Variants in PEAK1 observed in about 807,000 individuals in gnomAD.
PEAK1 encodes the protein pseudopodium enriched atypical kinase 1.
In PEAK1, 54 loss-of-function variants were observed where a neutral mutation model predicts 124.7. The observed-to-expected ratio is 0.43, with a 90% confidence interval of 0.35 to 0.54. The LOEUF (loss-of-function observed/expected upper bound fraction) is 0.54, where lower values mean the gene tolerates loss of function less well. PEAK1 is among the 20% of genes least tolerant of loss of function. PEAK1 has a pLI of 0.01. For missense variants in PEAK1, 2,046 were observed against 2,134.5 expected, an observed-to-expected ratio of 0.96 and a Z score of 0.82; for synonymous variants, 719 against 760.0, an observed-to-expected ratio of 0.95 and a Z score of 0.89.
chr15:77,230,458 C>G (rs945923804), intron 6 of PEAK1, among the ~76,000 whole-genome samples: 3 of 152,102 alleles, frequency 2.0e-5, no homozygotes, highest in Admixed American at 2.0e-4. Flanking sequence ...CTTGGCCTCT[C>G]AAAGTGCTGG....
At chr15:77,277,385 G>A (rs1331942856) in intron 5 of PEAK1, among the ~76,000 whole-genome samples, 2 of 151,544 alleles carry the variant, frequency 1.3e-5, no homozygotes, top group East Asian at 3.9e-4. Context: ...CTGTATCTTG[G>A]TTGCAGTGTT....
chr15:77,171,457 G>A (rs1363205437), intron 7 of PEAK1, among the ~76,000 whole-genome samples: 4 of 152,028 alleles, frequency 2.6e-5, no homozygotes, highest in Non-Finnish European at 4.4e-5. Context: ...TCACTCATAT[G>A]TGGAAGCTTA....
intron 6 of PEAK1, among the ~76,000 whole-genome samples, chr15:77,194,213 C>T (rs1034632800): frequency 1.3e-5 from 2 of 152,146 alleles, no homozygotes; most frequent in African/African-American, 4.8e-5. Context: ...CCTAATCTGT[C>T]CTCTCCCTTT....
chr15:77,159,125 A>G (rs2055408363), intron 7 of PEAK1, among the ~76,000 whole-genome samples: 1 of 152,168 alleles, frequency 6.6e-6, no homozygotes, highest in Non-Finnish European at 1.5e-5. Context: ...TAATTTATAT[A>G]TAGTATTTAG....
In PEAK1 at chr15:77,369,062, A is replaced by G. The variant is rs79604561; in HGVS notation, c.-665-3837T>C. On this transcript the variant is annotated intron_variant, in intron 1 of 9. Coordinates refer to ENST00000682557, the MANE Select transcript of PEAK1 (RefSeq NM_001385026.1). ...AGTATAAAACTTCATAATTTACAAT[A>G]AAATACAAATAAAATGCACTATTTA... 2.4e-3 allele frequency among the ~76,000 whole-genome samples: 359 copies of G among 152,356 alleles called. 1 individual carries two copies. Among genetic ancestry groups the G allele is most frequent in the African/African-American group, 8.2e-3 (341 of 41,582 alleles).
chr15:77,153,584 C>CA (rs2152775588), intron 8 of PEAK1, among the ~76,000 whole-genome samples: 1 of 152,218 alleles, frequency 6.6e-6, no homozygotes, highest in South Asian at 2.1e-4. Flanking sequence ...GTTAGGGTGT[C>CA]AATTTTAGAT....
intron 6 of PEAK1, among the ~76,000 whole-genome samples, chr15:77,190,006 T>C (rs909393363): frequency 6.6e-6 from 1 of 152,166 alleles, no homozygotes; most frequent in African/African-American, 2.4e-5. Context: ...TTAATGATTC[T>C]AAGAAAAATC....
chr15:77,336,557 T>C, intron 2 of PEAK1: 1 of 985,412 alleles, frequency 1.0e-6, no homozygotes, highest in Non-Finnish European at 1.2e-6. Context: ...CTGTGAATCC[T>C]CATGCACTGC....
At chr15:77,404,209 A>C (rs2071611893) in intron 1 of PEAK1, 8 of 985,318 alleles carry the variant, frequency 8.1e-6, no homozygotes, top group Non-Finnish European at 9.6e-6. Flanking sequence ...GAGACACCAA[A>C]GTGAGTGTTC....
rs1050852283 is a variant in PEAK1, at chr15:77,419,336, G to A, written c.-666+670C>T. The A allele has an allele frequency of 1.4e-5, 14 of 985,234 alleles. No individual in the cohort carries two copies. In the Admixed American group the frequency reaches 3.7e-4, roughly 26 times the overall value. The allele number at this position is 985,234 out of a possible 1,614,324, so 61.0% of individuals were successfully genotyped here. ...GGGGCAGACGCGGTTCAGACGGCAA[G>A]TCCCCATCGAAGGAGGAAAGAAAAG... On this transcript the variant is annotated intron_variant, in intron 1 of 9. Coordinates refer to ENST00000682557, the MANE Select transcript of PEAK1 (RefSeq NM_001385026.1).
At chr15:77,404,336 C>T (rs1334604902) in intron 1 of PEAK1, 1 of 985,210 alleles carries the variant, frequency 1.0e-6, no homozygotes, top group Non-Finnish European at 1.2e-6. Context: ...TAGGACTGTG[C>T]TAATACTAGC....
intron 1 of PEAK1, among the ~76,000 whole-genome samples, chr15:77,398,222 T>C (rs917751887): frequency 1.1e-4 from 17 of 152,236 alleles, no homozygotes; most frequent in South Asian, 4.1e-4. Flanking sequence ...TTCTGAAAGA[T>C]AGAGGAGGAG....
intron 1 of PEAK1, among the ~76,000 whole-genome samples, chr15:77,400,190 C>T (rs1356399933): frequency 6.6e-6 from 1 of 152,040 alleles, no homozygotes; most frequent in Admixed American, 6.6e-5. Flanking sequence ...AAAGGGAACC[C>T]ATGCACATTG....
At chr15:77,377,423 A>G (rs988795431) in intron 1 of PEAK1, among the ~76,000 whole-genome samples, 2 of 151,898 alleles carry the variant, frequency 1.3e-5, no homozygotes, top group Admixed American at 6.6e-5. Context: ...AAACATAGAC[A>G]AGGTATGGGA....
intron 2 of PEAK1, among the ~76,000 whole-genome samples, chr15:77,319,686 A>G (rs1194368715): frequency 6.6e-6 from 1 of 152,212 alleles, no homozygotes; most frequent in Non-Finnish European, 1.5e-5. Context: ...AAATAAAAAT[A>G]TTGAATGTGG....
chr15:77,236,877 T>C lies in PEAK1; in HGVS notation c.-115+15490A>G, dbSNP rs111999343. 9.8e-3 allele frequency among the ~76,000 whole-genome samples: 1,483 copies of C among 152,062 alleles called. 30 individuals carry two copies. The highest frequency in any genetic ancestry group is 0.034 in the African/African-American group (1,419 of 41,478). On this transcript the variant is annotated intron_variant, in intron 6 of 9. Coordinates refer to ENST00000682557, the MANE Select transcript of PEAK1 (RefSeq NM_001385026.1). ...GAGATCTGATGGTTTTATAAGGGGG[T>C]CTTCTCCTTTCACTTGGCACTTTTC...
intron 2 of PEAK1, among the ~76,000 whole-genome samples, chr15:77,307,685 T>A (rs1234647926): frequency 1.3e-5 from 2 of 152,064 alleles, no homozygotes; most frequent in African/African-American, 4.8e-5. Context: ...TTTGTGCTTG[T>A]AAGCTGGATC....
At position 77,112,705 on chromosome 15, in the gene PEAK1, A is replaced by AC. The variant is rs1220071521; in HGVS notation, c.*1450_*1451insG. 7.5e-6 allele frequency: 1 copy of AC among 132,548 alleles called. No homozygotes were observed. The highest frequency in any genetic ancestry group is 2.2e-4 in the East Asian group (1 of 4,516). The allele number at this position is 132,548 out of a possible 1,614,324, so 8.2% of individuals were successfully genotyped here. On this transcript the variant is annotated 3_prime_UTR_variant, in exon 10 of 10. Transcript: ENST00000682557. ...CACACACACACACACACACACACAC[A>AC]ACCCCAGTGGAAGGAACGCTCATCT...
In PEAK1 at chr15:77,263,918, T is replaced by A. The variant is rs561850276; in HGVS notation, c.-274-11392A>T. 2.5e-4 allele frequency among the ~76,000 whole-genome samples: 38 copies of A among 152,318 alleles called. 1 individual carries two copies. The highest frequency in any genetic ancestry group is 7.7e-4 in the African/African-American group (32 of 41,572). On this transcript the variant is annotated intron_variant, in intron 5 of 9. Transcript: ENST00000682557. ...CAAAAGCTTATCTACCATGATCAAG[T>A]GGGCTTCAACCTGGGATGCAAGGCT...
Sources: gnomAD v4.1 joint callset for allele counts (sites outside exome capture counted in the v4.1 genomes callset) on GRCh38, gnomAD v4.1.1 for gene constraint, MANE v1.5 for transcripts, NCBI Gene and HGNC (gene_info 2026-07-23, HGNC 2026-07-21) for gene names.